Variants in PRKN observed in about 807,000 individuals in gnomAD.
PRKN encodes E3 ubiquitin-protein ligase parkin.
A neutral mutation model predicts 59.5 loss-of-function variants in PRKN; 56 were observed. That is an observed-to-expected ratio of 0.94 (90% confidence interval 0.76 to 1.18). PRKN has a LOEUF of 1.18. Ranked by LOEUF, PRKN falls within the 50% of genes most tolerant of loss-of-function variation. PRKN has a pLI of 0.00. For missense variants in PRKN, 657 were observed against 596.4 expected (o/e 1.10, Z -1.06); for synonymous variants, 250 against 222.1 (o/e 1.13, Z -1.12).
chr6:161,505,928 G>A (rs1308833906), intron 9 of PRKN, among the ~76,000 whole-genome samples: 1 of 151,466 alleles, frequency 6.6e-6, no homozygotes, highest in African/African-American at 2.4e-5. Context: ...GGTTACTGTA[G>A]CCTTGTAGTA....
chr6:161,551,341 C>T lies in PRKN; in HGVS notation c.934-2338G>A, dbSNP rs1363330929. ...CCTGCCTGAGTCTCAGGATTACCTGCATCCTTGAAATTATTCGTAAAGCTC... is the reference window on the plus strand; with the variant it reads ...CCTGCCTGAGTCTCAGGATTACCTGTATCCTTGAAATTATTCGTAAAGCTC... On this transcript the variant is annotated intron_variant, in intron 8 of 11. Transcript: ENST00000366898. This position sits in a 1 kb window ranked among gnomAD's most constrained non-coding sequence, Gnocchi z 5.2. Among the ~76,000 whole-genome samples the T allele has an allele frequency of 6.6e-6, 1 of 152,214 alleles. No homozygotes were observed. Among genetic ancestry groups the T allele is most frequent in the Non-Finnish European group, 1.5e-5 (1 of 68,046 alleles).
At position 161,451,267 on chromosome 6, in the gene PRKN, G is replaced by C. The variant is rs1490477636; in HGVS notation, c.1084-64390C>G. Among the ~76,000 whole-genome samples, 2 of 152,158 alleles carry C rather than the reference G, an allele frequency of 1.3e-5. No individual in the cohort carries two copies. Among genetic ancestry groups the C allele is most frequent in the African/African-American group, 4.8e-5 (2 of 41,434 alleles). On this transcript the variant is annotated intron_variant, in intron 9 of 11. Coordinates refer to ENST00000366898, the MANE Select transcript of PRKN (RefSeq NM_004562.3). This position sits in a 1 kb window ranked among gnomAD's most constrained non-coding sequence, Gnocchi z 5.9. ...TTATCCTACCGTCATCTCATTTCCAGATAAAACACCTCCAGTTTCTTCAAT... is the reference window on the plus strand; with the variant it reads ...TTATCCTACCGTCATCTCATTTCCACATAAAACACCTCCAGTTTCTTCAAT...
At chr6:162,558,746 C>T (rs1779715508) in intron 1 of PRKN, among the ~76,000 whole-genome samples, 1 of 151,842 alleles carries the variant, frequency 6.6e-6, no homozygotes, top group African/African-American at 2.4e-5. Context: ...TCAAGCGATT[C>T]TTCTGCCTCA....
chr6:162,242,060 A>C (rs920197695), intron 3 of PRKN, among the ~76,000 whole-genome samples: 1 of 152,180 alleles, frequency 6.6e-6, no homozygotes, highest in African/African-American at 2.4e-5. Context: ...AAGGAGCCAC[A>C]AAAGACACTT....
At chr6:161,936,557 G>A (rs1386020568) in intron 6 of PRKN, among the ~76,000 whole-genome samples, 1 of 151,892 alleles carries the variant, frequency 6.6e-6, no homozygotes, top group African/African-American at 2.4e-5. Context: ...TTGACTTTAT[G>A]GAGGGCCAAA....
intron 1 of PRKN, among the ~76,000 whole-genome samples, chr6:162,454,456 A>T (rs975808195): frequency 6.6e-6 from 1 of 152,226 alleles, no homozygotes; most frequent in Non-Finnish European, 1.5e-5. Flanking sequence ...CTGAAAGATA[A>T]TTGGGAGACC....
At chr6:161,764,840 G>A (rs1306655271) in intron 7 of PRKN, among the ~76,000 whole-genome samples, 1 of 152,112 alleles carries the variant, frequency 6.6e-6, no homozygotes, top group Non-Finnish European at 1.5e-5. Flanking sequence ...AGAATAGTAT[G>A]CCAAGCAGTC....
chr6:162,092,936 G>A (rs894317257), intron 4 of PRKN, among the ~76,000 whole-genome samples: 4 of 152,284 alleles, frequency 2.6e-5, no homozygotes, highest in South Asian at 2.1e-4. Flanking sequence ...AAACGTCCTT[G>A]ATGTTACTGA....
chr6:161,685,923 C>T (rs749377264), intron 7 of PRKN, among the ~76,000 whole-genome samples: 80 of 152,276 alleles, frequency 5.3e-4, no homozygotes, highest in African/African-American at 1.0e-3. Flanking sequence ...AACCTCACCC[C>T]GGTCCCAGGC....
intron 6 of PRKN, among the ~76,000 whole-genome samples, chr6:161,906,667 T>C (rs1778157632): frequency 8.2e-6 from 1 of 122,676 alleles, no homozygotes; most frequent in Non-Finnish European, 1.9e-5. Flanking sequence ...TACATATATA[T>C]ATATATATGT....
At chr6:162,689,761 CAG>C (rs1482032190) in intron 1 of PRKN, among the ~76,000 whole-genome samples, 1 of 152,132 alleles carries the variant, frequency 6.6e-6, no homozygotes, top group African/African-American at 2.4e-5. Flanking sequence ...ATTTAAATAA[CAG>C]GGGCAACAGG....
intron 2 of PRKN, among the ~76,000 whole-genome samples, chr6:162,306,779 C>T (rs1249403138): frequency 1.3e-5 from 2 of 152,102 alleles, no homozygotes; most frequent in East Asian, 1.9e-4. Flanking sequence ...TAGGCCACAA[C>T]CTCAAATGCC....
chr6:162,637,608 G>C (rs771667690), intron 1 of PRKN, among the ~76,000 whole-genome samples: 30 of 152,036 alleles, frequency 2.0e-4, no homozygotes, highest in Non-Finnish European at 3.4e-4. Context: ...AAATCAGGAA[G>C]AAGTAAAAAC....
intron 3 of PRKN, among the ~76,000 whole-genome samples, chr6:162,232,635 T>G (rs1778471874): frequency 6.6e-6 from 1 of 152,172 alleles, no homozygotes; most frequent in Admixed American, 6.6e-5. Flanking sequence ...CATTTTAATA[T>G]TAGCAAAAGG....
At chr6:162,395,525 G>T (rs891901521) in intron 2 of PRKN, among the ~76,000 whole-genome samples, 1 of 152,262 alleles carries the variant, frequency 6.6e-6, no homozygotes, top group East Asian at 1.9e-4. Flanking sequence ...CATTGCATGA[G>T]ATACCCAAAT....
At chr6:161,411,888 CTCAT>C (rs1378637695) in intron 9 of PRKN, among the ~76,000 whole-genome samples, 2 of 149,854 alleles carry the variant, frequency 1.3e-5, no homozygotes, top group South Asian at 2.1e-4. Flanking sequence ...TCATTCCTTC[CTCAT>C]TCATTCCTCC....
At chr6:162,307,165 C>T (rs1290599226) in intron 2 of PRKN, among the ~76,000 whole-genome samples, 1 of 151,944 alleles carries the variant, frequency 6.6e-6, no homozygotes, top group Non-Finnish European at 1.5e-5. Flanking sequence ...TTTGGGAAGC[C>T]AAGGCAAGTG....
intron 6 of PRKN, among the ~76,000 whole-genome samples, chr6:161,877,261 C>A (rs944037915): frequency 6.6e-6 from 1 of 152,054 alleles, no homozygotes; most frequent in African/African-American, 2.4e-5. Flanking sequence ...CCCATTCCTC[C>A]TGTCTGGACC....
chr6:162,209,365 A>G (rs1157457132), intron 3 of PRKN, among the ~76,000 whole-genome samples: 1 of 152,214 alleles, frequency 6.6e-6, no homozygotes, highest in Non-Finnish European at 1.5e-5. Context: ...GCTCATCGTC[A>G]CTGGTCATCA....
Sources: allele counts gnomAD v4.1 joint callset (sites outside exome capture counted in the v4.1 genomes callset), GRCh38; gene constraint gnomAD v4.1.1; non-coding constraint Gnocchi (gnomAD v3.1); transcripts MANE v1.5; gene names NCBI Gene and HGNC (gene_info 2026-07-23, HGNC 2026-07-21).